Variants in APELA observed in about 807,000 individuals in gnomAD.
APELA encodes protein Elabela.
At chr4:164,884,744 G>A (rs1730735909) in intron 2 of APELA, among the ~76,000 whole-genome samples, 2 of 152,086 alleles carry the variant, frequency 1.3e-5, no homozygotes, top group Non-Finnish European at 1.5e-5. Flanking sequence ...AACAATACTT[G>A]GCACACAGTA....
chr4:164,881,789 C>G (rs1207875192), intron 2 of APELA, among the ~76,000 whole-genome samples: 1 of 151,596 alleles, frequency 6.6e-6, no homozygotes, highest in Non-Finnish European at 1.5e-5. Flanking sequence ...AATCCCAGCA[C>G]TTTGGGAGGC....
At chr4:164,891,031 T>C (rs535960610) in intron 2 of APELA, among the ~76,000 whole-genome samples, 4 of 152,204 alleles carry the variant, frequency 2.6e-5, no homozygotes, top group Admixed American at 6.6e-5. Flanking sequence ...TTTGGAGAAA[T>C]GGCTATTCAA....
rs1471130238 is a variant in APELA at position 164,896,242 on chromosome 4, G to T, written c.*828G>T. The stretch of plus-strand genomic sequence containing the variant: ...CCAATTATAGGCTGGGATTACAGGT[G>T]TGCACCACTACACCCAGCTAATTCT... On this transcript the variant is annotated 3_prime_UTR_variant, in exon 3 of 3. Transcript: ENST00000507152. The T allele has an allele frequency of 1.3e-5, 2 of 152,112 alleles. No individual in the cohort carries two copies. Among genetic ancestry groups the T allele is most frequent in the Admixed American group, 1.3e-4 (2 of 15,270 alleles). 9.4% of individuals were successfully genotyped at this position (152,112 alleles called of 1,614,324 possible). A position where few individuals can be genotyped will look rare whatever the true frequency, so the allele number is the denominator to read the frequency against.
At chr4:164,882,718 G>T (rs1373471681) in intron 2 of APELA, among the ~76,000 whole-genome samples, 4 of 151,888 alleles carry the variant, frequency 2.6e-5, no homozygotes, top group African/African-American at 7.3e-5. Flanking sequence ...TTAGCATTAG[G>T]TATATCTCCT....
intron 2 of APELA, among the ~76,000 whole-genome samples, chr4:164,884,104 TGAAAGAAAGAAAGAAAGAGAAA>T (rs1348162594): frequency 0.025 from 458 of 18,152 alleles, 3 homozygotes; most frequent in African/African-American, 0.1. Flanking sequence ...AAAGAAAGAA[TGAAAGAAAGAAAGAAAGAGAAA>T]GAAAGAAAGA....
At chr4:164,883,711 T>C (rs928966847) in intron 2 of APELA, among the ~76,000 whole-genome samples, 8 of 151,912 alleles carry the variant, frequency 5.3e-5, no homozygotes, top group Middle Eastern at 3.4e-3. Context: ...GTCTTGACCT[T>C]CTGGGCTCAA....
At position 164,896,046 on chromosome 4, in the gene APELA, A is replaced by G. The variant is rs1477009775; in HGVS notation, c.*632A>G. The G allele has an allele frequency of 6.6e-6, 1 of 152,246 alleles. No individual in the cohort carries two copies. Among genetic ancestry groups the G allele is most frequent in the Non-Finnish European group, 1.5e-5 (1 of 68,058 alleles). The allele number at this position is 152,246 out of a possible 1,614,324, so 9.4% of individuals were successfully genotyped here. Reference sequence around the variant, plus strand: ...GTAATGTCCATTTGAAGTTGAAAGAAAACATGAAATCCTAATTGTAGTTCA... The same window carrying G: ...GTAATGTCCATTTGAAGTTGAAAGAGAACATGAAATCCTAATTGTAGTTCA... On this transcript the variant is annotated 3_prime_UTR_variant, in exon 3 of 3. Transcript: ENST00000507152.
Position 164,896,607 on chromosome 4 carries a change from G to A in APELA, c.*1193G>A, listed in dbSNP as rs1486911597. 1 of 151,832 alleles carries A rather than the reference G, an allele frequency of 6.6e-6. No homozygotes were observed. Among genetic ancestry groups the A allele is most frequent in the East Asian group, 1.9e-4 (1 of 5,162 alleles). 9.4% of individuals were successfully genotyped at this position (151,832 alleles called of 1,614,324 possible). A position where few individuals can be genotyped will look rare whatever the true frequency, so the allele number is the denominator to read the frequency against. ...GAAATAAAAAATCAGAAGGAATTTA[G>A]GGATATGATTACTCAAAAAAGAAAC... On this transcript the variant is annotated 3_prime_UTR_variant, in exon 3 of 3. Transcript: ENST00000507152.
intron 2 of APELA, among the ~76,000 whole-genome samples, chr4:164,884,502 A>G (rs939295284): frequency 5.3e-5 from 8 of 152,200 alleles, no homozygotes; most frequent in African/African-American, 1.9e-4. Context: ...AATTTGACAA[A>G]CAACACCTTA....
intron 2 of APELA, among the ~76,000 whole-genome samples, chr4:164,880,618 C>T (rs1036739172): frequency 3.3e-5 from 5 of 152,140 alleles, no homozygotes; most frequent in African/African-American, 1.2e-4. Context: ...TCCAGCACTC[C>T]TTCATAAATA....
At chr4:164,883,437 G>GACATCT (rs1485203397) in intron 2 of APELA, among the ~76,000 whole-genome samples, 5 of 150,570 alleles carry the variant, frequency 3.3e-5, no homozygotes, top group Admixed American at 6.6e-5. Flanking sequence ...TCAAACTACA[G>GACATCT]ACATCTACAT....
rs1285424573 is a variant in APELA at position 164,895,401 on chromosome 4, G to A, written c.*2-15G>A. 2 of 152,082 alleles carry A rather than the reference G, an allele frequency of 1.3e-5. No homozygotes were observed. Among genetic ancestry groups the A allele is most frequent in the African/African-American group, 4.8e-5 (2 of 41,402 alleles). The allele number at this position is 152,082 out of a possible 1,614,324, so 9.4% of individuals were successfully genotyped here. A position where few individuals can be genotyped will look rare whatever the true frequency, so the allele number is the denominator to read the frequency against. On this transcript the variant is annotated splice_polypyrimidine_tract_variant and intron_variant, in intron 2 of 2. Coordinates refer to ENST00000507152, the MANE Select transcript of APELA (RefSeq NM_001297550.2). ...TCTTTGATGTATTTGTTTCTCCCTTGCCTCTCAAATATAGATCTCTCTAGC... is the reference window on the plus strand; with the variant it reads ...TCTTTGATGTATTTGTTTCTCCCTTACCTCTCAAATATAGATCTCTCTAGC...
At chr4:164,879,619 A>AT (rs34567422) in intron 2 of APELA, among the ~76,000 whole-genome samples, 1 of 151,882 alleles carries the variant, frequency 6.6e-6, no homozygotes, top group Non-Finnish European at 1.5e-5. Context: ...TAATTTTTGT[A>AT]TTTTTTGTAG....
intron 2 of APELA, among the ~76,000 whole-genome samples, chr4:164,890,884 C>T (rs760105339): frequency 3.3e-5 from 5 of 152,134 alleles, no homozygotes; most frequent in Non-Finnish European, 7.4e-5. Flanking sequence ...TTAATTTCTC[C>T]ACATGCTTGC....
chr4:164,892,886 G>A (rs570312102), intron 2 of APELA, among the ~76,000 whole-genome samples: 1 of 151,986 alleles, frequency 6.6e-6, no homozygotes, highest in South Asian at 2.1e-4. Context: ...CAAATTTGTT[G>A]GCACACAGTT....
chr4:164,893,330 GTCT>G (rs1166182612), intron 2 of APELA, among the ~76,000 whole-genome samples: 2 of 152,010 alleles, frequency 1.3e-5, no homozygotes, highest in East Asian at 3.8e-4. Flanking sequence ...TCCCTTCTGA[GTCT>G]TCTTTGAGTT....
At position 164,895,511 on chromosome 4, in the gene APELA, G is replaced by C. The variant is rs139237448; in HGVS notation, c.*97G>C. The C allele has an allele frequency of 6.6e-6, 1 of 152,102 alleles. No individual in the cohort carries two copies. Among genetic ancestry groups the C allele is most frequent in the African/African-American group, 2.4e-5 (1 of 41,366 alleles). 9.4% of individuals were successfully genotyped at this position (152,102 alleles called of 1,614,324 possible). ...AAAAGAACTTCATGATGCCAACAGC[G>C]TGATTGCTTAGAAGTTCCTACACAA... is the stretch of plus-strand genomic sequence containing the variant. On this transcript the variant is annotated 3_prime_UTR_variant, in exon 3 of 3. Coordinates refer to ENST00000507152, the MANE Select transcript of APELA (RefSeq NM_001297550.2).
intron 2 of APELA, among the ~76,000 whole-genome samples, chr4:164,888,412 T>C (rs1354783382): frequency 1.3e-5 from 2 of 152,188 alleles, no homozygotes; most frequent in East Asian, 3.9e-4. Flanking sequence ...AGAAGCATGA[T>C]ATCCTATTTA....
chr4:164,893,797 ATTAT>A (rs1180857577), intron 2 of APELA, among the ~76,000 whole-genome samples: 1 of 151,988 alleles, frequency 6.6e-6, no homozygotes, highest in Non-Finnish European at 1.5e-5. Context: ...TTTTGAATGG[ATTAT>A]TTAGTAAGTT....
Sources: allele counts gnomAD v4.1 joint callset (sites outside exome capture counted in the v4.1 genomes callset), GRCh38; gene constraint gnomAD v4.1.1; transcripts MANE v1.5; gene names NCBI Gene and HGNC (gene_info 2026-07-23, HGNC 2026-07-21).